SH2D3C: variants seen among roughly 807,000 people sequenced by gnomAD.
SH2D3C encodes the protein SH2 domain-containing protein 3C.
In SH2D3C, 25 loss-of-function variants were observed where a neutral mutation model predicts 75.2. The ratio of observed to expected loss-of-function variants is 0.33; its 90% CI spans 0.24 to 0.46. The LOEUF (loss-of-function observed/expected upper bound fraction) is 0.46. Ranked by LOEUF, SH2D3C falls within the 20% of genes least tolerant of loss-of-function variation. SH2D3C has a pLI of 1.00. For missense variants in SH2D3C, 933 were observed against 1,165.3 expected (o/e 0.80, Z 2.90); for synonymous variants, 450 against 473.7 (o/e 0.95, Z 0.65).
chr9:127,762,338 C>T (rs1403919275), intron 2 of SH2D3C: 1 of 1,302,946 alleles, frequency 7.7e-7, no homozygotes, highest in Non-Finnish European at 1.0e-6. Context: ...GCTACCCCTA[C>T]CCTCAGGCAG....
At chr9:127,771,391 C>A in intron 2 of SH2D3C, 1 of 1,327,336 alleles carries the variant, frequency 7.5e-7, no homozygotes. Context: ...CTTGCCCGGC[C>A]CCACTCCACC....
chr9:127,756,068 G>C (rs1050740178), intron 3 of SH2D3C, among the ~76,000 whole-genome samples: 20 of 152,154 alleles, frequency 1.3e-4, no homozygotes, highest in Admixed American at 1.2e-3. Context: ...GGGAGACCGG[G>C]GCAAGTGCAT....
At chr9:127,755,025 G>T in intron 3 of SH2D3C, 1 of 892,108 alleles carries the variant, frequency 1.1e-6, no homozygotes, top group Non-Finnish European at 1.4e-6. Flanking sequence ...CCCGGGCGGA[G>T]CGGCCGGGGG....
chr9:127,743,056 G>A (rs780128376), intron 7 of SH2D3C, 92 bp from the exon 8 acceptor site: 4 of 823,084 alleles, frequency 4.9e-6, no homozygotes, highest in Non-Finnish European at 7.7e-6. Context: ...GGGGTAGGTA[G>A]CCTGGTTGGG....
chr9:127,765,232 T>C (rs750160560), intron 2 of SH2D3C, among the ~76,000 whole-genome samples: 1 of 152,132 alleles, frequency 6.6e-6, no homozygotes, highest in South Asian at 2.1e-4. Context: ...CTGGCCACCC[T>C]TTCTGAAAGT....
rs1844972380 is a variant in SH2D3C, at chr9:127,744,782, G to C, written c.1582C>G (p.Leu528Val). 1 of 1,614,098 alleles carries C rather than the reference G, an allele frequency of 6.2e-7. No individual in the cohort carries two copies. Among genetic ancestry groups the C allele is most frequent in the African/African-American group, 1.3e-5 (1 of 74,930 alleles). ...ARSYGERLKELSENGAPEGDW... is the reference protein window; with the variant it reads ...ARSYGERLKEVSENGAPEGDW... The stretch of plus-strand genomic sequence containing the variant: ...CCTTCAGGGGCCCCATTTTCTGACA[G>C]TTCCTTTAGCCTCTCCCCATAGCTC... The change falls in exon 7 of 12, where the codon CTG (leucine) becomes GTG (valine). Residue 528 changes from leucine to valine, a missense_variant. Physicochemically the swap from Leu to Val is conservative, Grantham distance 32 (BLOSUM62 1). Coordinates refer to ENST00000314830, the MANE Select transcript of SH2D3C (RefSeq NM_170600.3).
At chr9:127,760,064 GA>G (rs1845491314) in intron 3 of SH2D3C, among the ~76,000 whole-genome samples, 1 of 152,002 alleles carries the variant, frequency 6.6e-6, no homozygotes, top group Non-Finnish European at 1.5e-5. Context: ...GCTAAGGTGG[GA>G]GGATTGCTTG....
At chr9:127,755,315 G>A (rs1480079131) in intron 3 of SH2D3C, 4 of 908,850 alleles carry the variant, frequency 4.4e-6, no homozygotes, top group Non-Finnish European at 5.6e-6. Flanking sequence ...GAGGCGGGGC[G>A]GGGAGACCCC....
chr9:127,778,253 G>A (rs549315416), intron 1 of SH2D3C, among the ~76,000 whole-genome samples: 1 of 150,302 alleles, frequency 6.7e-6, no homozygotes, highest in African/African-American at 2.5e-5. Context: ...CTCCCAAAGT[G>A]CTGGGATTAC....
At chr9:127,776,956 T>C (rs1829019074) in intron 1 of SH2D3C, among the ~76,000 whole-genome samples, 1 of 152,190 alleles carries the variant, frequency 6.6e-6, no homozygotes, top group East Asian at 1.9e-4. Context: ...AACTGCCTTC[T>C]TTCTCAGCAC....
chr9:127,767,666 C>A (rs1251876965), intron 2 of SH2D3C, among the ~76,000 whole-genome samples: 2 of 152,224 alleles, frequency 1.3e-5, no homozygotes, highest in African/African-American at 4.8e-5. Context: ...CTCATCAGGC[C>A]TCAGTTTCCC....
intron 2 of SH2D3C, among the ~76,000 whole-genome samples, chr9:127,773,449 A>G (rs1004410629): frequency 6.6e-6 from 1 of 152,108 alleles, no homozygotes; most frequent in Non-Finnish European, 1.5e-5. Flanking sequence ...GTCATTAGCA[A>G]ATATGCACCC....
intron 3 of SH2D3C, among the ~76,000 whole-genome samples, chr9:127,752,830 C>T (rs145685527): frequency 6.6e-6 from 1 of 152,264 alleles, no homozygotes; most frequent in East Asian, 1.9e-4. Flanking sequence ...TCCAGGTTTC[C>T]TGAATGTCCC....
intron 3 of SH2D3C, among the ~76,000 whole-genome samples, chr9:127,753,469 C>T (rs1194351024): frequency 1.3e-5 from 2 of 152,172 alleles, no homozygotes; most frequent in Admixed American, 6.5e-5. Context: ...TGGGAGTGGG[C>T]GGTTTGCACA....
At chr9:127,767,359 G>T (rs1434627463) in intron 2 of SH2D3C, 1 of 1,419,840 alleles carries the variant, frequency 7.0e-7, no homozygotes, top group African/African-American at 1.4e-5. Context: ...TTTTACAGGG[G>T]AGAAAACTGA....
chr9:127,757,436 AT>A (rs542961119), intron 3 of SH2D3C, among the ~76,000 whole-genome samples: 2,533 of 139,538 alleles, frequency 0.018, 35 homozygotes, highest in Middle Eastern at 0.026. Flanking sequence ...ATGCTCAGCT[AT>A]TTTTTTTTTT....
At chr9:127,764,021 A>G (rs1845586216) in intron 2 of SH2D3C, among the ~76,000 whole-genome samples, 1 of 152,046 alleles carries the variant, frequency 6.6e-6, no homozygotes, top group Non-Finnish European at 1.5e-5. Context: ...CCATCCCAAC[A>G]TTTCCTGCTA....
rs1176106769 is a variant in SH2D3C, at chr9:127,739,845, G to GGGCA, written c.2240_2243dup (p.Leu749AlafsTer9). 1 of 1,571,062 alleles carries GGGCA rather than the reference G, an allele frequency of 6.4e-7. No homozygotes were observed. On this transcript the variant is annotated frameshift_variant, in exon 11 of 12. Coordinates refer to ENST00000314830, the MANE Select transcript of SH2D3C (RefSeq NM_170600.3). LOFTEE classifies it high-confidence loss of function. This position sits in a 1 kb window ranked among gnomAD's most constrained non-coding sequence, Gnocchi z 4.3. The stretch of plus-strand genomic sequence containing the variant: ...AGTCACACTCCAGCAGGGTGATGAG[G>GGGCA]GGCAGCACATGAGGAAACGTGGTGT...
intron 2 of SH2D3C, among the ~76,000 whole-genome samples, chr9:127,766,611 C>T (rs901490207): frequency 6.6e-6 from 1 of 152,126 alleles, no homozygotes. Context: ...GCTCTGTTGC[C>T]CAGGCTCAAG....
Sources: allele counts gnomAD v4.1 joint callset (sites outside exome capture counted in the v4.1 genomes callset), GRCh38; gene constraint gnomAD v4.1.1; non-coding constraint Gnocchi (gnomAD v3.1); transcripts MANE v1.5; gene names NCBI Gene and HGNC (gene_info 2026-07-23, HGNC 2026-07-21).